Variants in PRKCB observed in about 807,000 individuals in gnomAD.
The protein encoded by PRKCB is protein kinase C beta type.
Under a neutral mutation model 81.5 loss-of-function variants are expected in PRKCB, and 13 were observed. The ratio of observed to expected loss-of-function variants is 0.16; its 90% CI spans 0.10 to 0.25. PRKCB has a LOEUF of 0.25. PRKCB is among the 10% of genes least tolerant of loss of function. PRKCB has a pLI of 1.00. For missense variants in PRKCB, 509 were observed against 875.7 expected (o/e 0.58, Z 5.29); for synonymous variants, 335 against 321.4 (o/e 1.04, Z -0.45).
At chr16:23,961,922 G>A (rs1484047949) in intron 2 of PRKCB, among the ~76,000 whole-genome samples, 2 of 152,166 alleles carry the variant, frequency 1.3e-5, no homozygotes, top group East Asian at 3.8e-4. Flanking sequence ...TTGGAGCTAA[G>A]GTTAGAGTTG....
intron 2 of PRKCB, among the ~76,000 whole-genome samples, chr16:23,931,332 A>G (rs527642621): frequency 6.6e-6 from 1 of 152,322 alleles, no homozygotes; most frequent in African/African-American, 2.4e-5. Context: ...TTCTCCTCTC[A>G]GTAGACCAGG....
intron 16 of PRKCB, among the ~76,000 whole-genome samples, chr16:24,212,459 T>G (rs1181286277): frequency 7.0e-6 from 1 of 142,650 alleles, no homozygotes; most frequent in Non-Finnish European, 1.5e-5. Flanking sequence ...TGCTTTTTTT[T>G]CCTTTTTTTT....
intron 9 of PRKCB, among the ~76,000 whole-genome samples, chr16:24,146,208 C>A (rs1966987194): frequency 6.6e-6 from 1 of 152,122 alleles, no homozygotes; most frequent in Admixed American, 6.5e-5. Flanking sequence ...CCTGCCAGCA[C>A]CTTGATTTGG....
At position 23,836,355 on chromosome 16, in the gene PRKCB, G is replaced by A; in HGVS notation, c.173+7G>A. 6.3e-7 allele frequency: 1 copy of A among 1,599,240 alleles called. No individual in the cohort carries two copies. The highest frequency in any genetic ancestry group is 8.5e-7 in the Non-Finnish European group (1 of 1,173,878). On this transcript the variant is annotated splice_region_variant and intron_variant, in intron 1 of 16. Coordinates refer to ENST00000643927, the MANE Select transcript of PRKCB (RefSeq NM_002738.7). Reference sequence around the variant, plus strand: ...ACTGCACCGACTTCATCTGGTGAGCGCGCGCGCGCAGGGCACCTTCCCGGG... The same window carrying A: ...ACTGCACCGACTTCATCTGGTGAGCACGCGCGCGCAGGGCACCTTCCCGGG...
At chr16:24,077,487 C>CTCCATCCATCCATCCATCCA (rs71154273) in intron 5 of PRKCB, among the ~76,000 whole-genome samples, 1 of 149,610 alleles carries the variant, frequency 6.7e-6, no homozygotes, top group African/African-American at 2.5e-5. Context: ...GCATTCATCT[C>CTCCATCCATCCATCCATCCA]TCCATCCATC....
intron 9 of PRKCB, among the ~76,000 whole-genome samples, chr16:24,139,397 C>T (rs192107531): frequency 6.6e-6 from 1 of 152,312 alleles, no homozygotes; most frequent in African/African-American, 2.4e-5. Context: ...TTAGACCCAA[C>T]CACACATCCT....
chr16:23,858,777 A>C (rs1962616097), intron 2 of PRKCB, among the ~76,000 whole-genome samples: 1 of 152,066 alleles, frequency 6.6e-6, no homozygotes, highest in Non-Finnish European at 1.5e-5. Flanking sequence ...ACTTTCATGG[A>C]ATAATACTTC....
At chr16:23,859,376 A>G (rs1025269147) in intron 2 of PRKCB, among the ~76,000 whole-genome samples, 1 of 152,146 alleles carries the variant, frequency 6.6e-6, no homozygotes. Flanking sequence ...CTCAGAAGAG[A>G]GTAGTGTAAA....
intron 2 of PRKCB, among the ~76,000 whole-genome samples, chr16:23,928,897 T>G (rs543949509): frequency 5.3e-5 from 8 of 152,044 alleles, no homozygotes; most frequent in Admixed American, 3.9e-4. Context: ...TTTTGTATTT[T>G]TAGTAGAGAC....
At chr16:23,917,532 T>C (rs373532253) in intron 2 of PRKCB, among the ~76,000 whole-genome samples, 11 of 152,336 alleles carry the variant, frequency 7.2e-5, no homozygotes, top group South Asian at 6.2e-4. Context: ...AGGAAGGATG[T>C]CCATTCGGAG....
At chr16:24,110,501 A>G (rs893156292) in intron 7 of PRKCB, among the ~76,000 whole-genome samples, 33 of 133,430 alleles carry the variant, frequency 2.5e-4, no homozygotes, top group African/African-American at 9.2e-4. Flanking sequence ...ATAAGCCACC[A>G]TGCCCAACCT....
chr16:24,138,205 C>T (rs1250953396), intron 9 of PRKCB, among the ~76,000 whole-genome samples: 3 of 152,190 alleles, frequency 2.0e-5, no homozygotes, highest in Non-Finnish European at 4.4e-5. Flanking sequence ...GCTCCATAGT[C>T]CCCTTGCATC....
chr16:23,875,660 ATATATATGTATGTATAT>A (rs1962996778), intron 2 of PRKCB, among the ~76,000 whole-genome samples: 1 of 101,812 alleles, frequency 9.8e-6, no homozygotes. Context: ...TATATCACAC[ATATATATGTATGTATAT>A]CACACACATA....
chr16:24,135,432 C>G (rs1966861686), intron 9 of PRKCB, among the ~76,000 whole-genome samples: 1 of 151,592 alleles, frequency 6.6e-6, no homozygotes, highest in African/African-American at 2.4e-5. Context: ...CCTGCCTCAG[C>G]CTCCCGAGTG....
intron 2 of PRKCB, among the ~76,000 whole-genome samples, chr16:23,940,086 C>G (rs1239914502): frequency 6.6e-6 from 1 of 152,094 alleles, no homozygotes; most frequent in Non-Finnish European, 1.5e-5. Flanking sequence ...GACAAATAAA[C>G]ACATGAAAAG....
rs1967130524 is a variant in PRKCB, at chr16:24,154,694, C to T, written c.1076C>T (p.Ser359Leu). 2 of 1,614,006 alleles carry T rather than the reference C, an allele frequency of 1.2e-6. No individual in the cohort carries two copies. The highest frequency in any genetic ancestry group is 1.7e-6 in the Non-Finnish European group (2 of 1,179,978). Residue 359 changes from serine to leucine, a missense_variant, in exon 10 of 17, where the codon TCA (serine) becomes TTA (leucine). Physicochemically the swap from Ser to Leu is moderately radical, Grantham distance 145. Around this residue, in one of 6 missense-constraint regions of PRKCB, gnomAD observed 80 missense variants for 89.4 expected, o/e 0.90. Coordinates refer to ENST00000643927, the MANE Select transcript of PRKCB (RefSeq NM_002738.7). ...TGCTCTCTTTCCCAGGTCATGCTTT[C>T]AGAACGAAAAGGCACAGATGAGCTC... ...GKGSFGKVML[S>L]ERKGTDELYA...
intron 2 of PRKCB, among the ~76,000 whole-genome samples, chr16:23,943,352 C>G (rs568837258): frequency 6.6e-6 from 1 of 152,148 alleles, no homozygotes; most frequent in African/African-American, 2.4e-5. Context: ...TAGCAAGACC[C>G]CATCTCTACA....
At chr16:23,915,709 A>AAAAAAAAAAAAC in intron 2 of PRKCB, among the ~76,000 whole-genome samples, 2 of 150,842 alleles carry the variant, frequency 1.3e-5, no homozygotes, top group African/African-American at 2.4e-5. Context: ...AAAAAAAAAA[A>AAAAAAAAAAAAC]AAAGCAGAAA....
At chr16:24,144,270 G>A (rs1209510647) in intron 9 of PRKCB, among the ~76,000 whole-genome samples, 1 of 152,064 alleles carries the variant, frequency 6.6e-6, no homozygotes, top group East Asian at 1.9e-4. Flanking sequence ...ATGCATACAT[G>A]TACACATACA....
Sources: gnomAD v4.1 joint callset for allele counts (sites outside exome capture counted in the v4.1 genomes callset) on GRCh38, gnomAD v4.1.1 for gene constraint, gnomAD v4.1.1 regional missense constraint, MANE v1.5 for transcripts, NCBI Gene and HGNC (gene_info 2026-07-23, HGNC 2026-07-21) for gene names.